RAD51B: variants seen among roughly 807,000 people sequenced by gnomAD.
RAD51B encodes the protein DNA repair protein RAD51 homolog 2.
Under a neutral mutation model 42.2 loss-of-function variants are expected in RAD51B, and 38 were observed. The observed-to-expected ratio is 0.90, with a 90% CI of 0.70 to 1.18. RAD51B has a LOEUF of 1.18. Among genes scored for constraint, RAD51B ranks in the 50% most tolerant of loss-of-function variants. RAD51B has a pLI of 0.00. For missense variants in RAD51B, 373 were observed against 400.7 expected (o/e 0.93, Z 0.59); for synonymous variants, 154 against 145.2 (o/e 1.06, Z -0.43).
intron 7 of RAD51B, among the ~76,000 whole-genome samples, chr14:68,246,012 A>T (rs960696380): frequency 4.6e-5 from 7 of 152,146 alleles, no homozygotes; most frequent in African/African-American, 1.7e-4. Flanking sequence ...TAAGCCAAGG[A>T]GAGACAAGGC....
chr14:68,353,395 C>A (rs1218986760), intron 8 of RAD51B, among the ~76,000 whole-genome samples: 1 of 152,166 alleles, frequency 6.6e-6, no homozygotes, highest in East Asian at 1.9e-4. Context: ...GGTATTTTGT[C>A]CCAACAGCTG....
chr14:68,328,100 A>G (rs1048107214), intron 8 of RAD51B, among the ~76,000 whole-genome samples: 3 of 151,984 alleles, frequency 2.0e-5, no homozygotes, highest in African/African-American at 7.3e-5. Flanking sequence ...GCCTTGTTCT[A>G]TTGCCACTCT....
At chr14:68,206,672 GTCT>G (rs1566728945) in intron 7 of RAD51B, among the ~76,000 whole-genome samples, 3 of 149,922 alleles carry the variant, frequency 2.0e-5, no homozygotes, top group Non-Finnish European at 3.0e-5. Flanking sequence ...TATCTCCACC[GTCT>G]ATTTTTTTTT....
chr14:68,348,783 C>A (rs1273603367), intron 8 of RAD51B, among the ~76,000 whole-genome samples: 1 of 152,134 alleles, frequency 6.6e-6, no homozygotes, highest in African/African-American at 2.4e-5. Context: ...CCTGTAGTCC[C>A]AGCTGCTCAG....
chr14:68,212,876 G>T (rs914575461), intron 7 of RAD51B, among the ~76,000 whole-genome samples: 1 of 152,150 alleles, frequency 6.6e-6, no homozygotes, highest in Non-Finnish European at 1.5e-5. Context: ...TTATGGAAAT[G>T]TCAAGGGATA....
chr14:68,304,253 A>G (rs1358756793), intron 8 of RAD51B, among the ~76,000 whole-genome samples: 1 of 152,228 alleles, frequency 6.6e-6, no homozygotes, highest in East Asian at 1.9e-4. Context: ...TTGAGTGCCT[A>G]TTATGCGTCA....
chr14:68,332,917 C>A (rs1373343960), intron 8 of RAD51B, among the ~76,000 whole-genome samples: 1 of 152,162 alleles, frequency 6.6e-6, no homozygotes, highest in Non-Finnish European at 1.5e-5. Context: ...ATCAGTGATG[C>A]TGAAATGACT....
chr14:68,023,456 AGCTGTGATT>A (rs2075902139), intron 7 of RAD51B, among the ~76,000 whole-genome samples: 1 of 152,052 alleles, frequency 6.6e-6, no homozygotes, highest in African/African-American at 2.4e-5. Flanking sequence ...CCTCCTGAGT[AGCTGTGATT>A]ACAGGCGTGC....
At chr14:68,082,637 A>G (rs1220467535) in intron 7 of RAD51B, among the ~76,000 whole-genome samples, 1 of 147,566 alleles carries the variant, frequency 6.8e-6, no homozygotes, top group Non-Finnish European at 1.5e-5. Flanking sequence ...AATTCATTCC[A>G]TGTTAGTACA....
At chr14:68,433,601 G>A (rs1392474296) in intron 9 of RAD51B, among the ~76,000 whole-genome samples, 1 of 152,132 alleles carries the variant, frequency 6.6e-6, no homozygotes, top group Admixed American at 6.5e-5. Flanking sequence ...GCTCCATCAG[G>A]TCATTTAAGG....
At chr14:68,344,833 G>A (rs1361875505) in intron 8 of RAD51B, among the ~76,000 whole-genome samples, 1 of 148,722 alleles carries the variant, frequency 6.7e-6, no homozygotes, top group Non-Finnish European at 1.5e-5. Context: ...TGTAGTCCCA[G>A]CTACTCGGGA....
intron 9 of RAD51B, among the ~76,000 whole-genome samples, chr14:68,451,611 G>A (rs542492273): frequency 6.6e-6 from 1 of 152,250 alleles, no homozygotes; most frequent in Admixed American, 6.5e-5. Flanking sequence ...TTTTCTTCTT[G>A]TCCTTTGCCC....
intron 7 of RAD51B, among the ~76,000 whole-genome samples, chr14:68,050,595 C>T (rs1436572786): frequency 6.6e-6 from 1 of 152,126 alleles, no homozygotes; most frequent in East Asian, 1.9e-4. Context: ...CATCTCTATT[C>T]ACACGCATGT....
chr14:67,938,033 C>A (rs1040686963), intron 7 of RAD51B, among the ~76,000 whole-genome samples: 2 of 152,086 alleles, frequency 1.3e-5, no homozygotes, highest in African/African-American at 4.8e-5. Flanking sequence ...GGCTTTTCAG[C>A]TGGATTATGT....
chr14:67,840,286 C>A (rs1048144456), intron 4 of RAD51B, among the ~76,000 whole-genome samples: 52 of 152,260 alleles, frequency 3.4e-4, no homozygotes, highest in African/African-American at 1.2e-3. Context: ...CTGCTCCCTT[C>A]TTCCTCCTTC....
At chr14:68,176,509 G>A (rs2078965120) in intron 7 of RAD51B, among the ~76,000 whole-genome samples, 1 of 152,092 alleles carries the variant, frequency 6.6e-6, no homozygotes, top group Non-Finnish European at 1.5e-5. Flanking sequence ...TTCACCTCAG[G>A]CAACTCAATC....
At chr14:68,121,254 A>C (rs1364077687) in intron 7 of RAD51B, among the ~76,000 whole-genome samples, 1 of 152,222 alleles carries the variant, frequency 6.6e-6, no homozygotes. Flanking sequence ...AAGCTTTGCA[A>C]CCAGACTTAG....
downstream of RAD51B, among the ~76,000 whole-genome samples, chr14:68,612,158 C>T (rs541244238): frequency 6.6e-6 from 1 of 152,290 alleles, no homozygotes; most frequent in East Asian, 1.9e-4. Context: ...CAAGGGTAAG[C>T]TGGAACAGGC....
chr14:67,972,496 A>G (rs557810583), intron 7 of RAD51B, among the ~76,000 whole-genome samples: 22 of 152,126 alleles, frequency 1.4e-4, no homozygotes, highest in Non-Finnish European at 2.9e-4. Context: ...ATGTCTGCCA[A>G]AGTAAAAAAT....
Sources: allele counts gnomAD v4.1 joint callset (sites outside exome capture counted in the v4.1 genomes callset), GRCh38; gene constraint gnomAD v4.1.1; transcripts MANE v1.5; gene names NCBI Gene and HGNC (gene_info 2026-07-23, HGNC 2026-07-21).